SNX4: variants seen among roughly 807,000 people sequenced by gnomAD.
SNX4 encodes the protein sorting nexin-4.
In SNX4, 49 loss-of-function variants were observed where a neutral mutation model predicts 70.8. The observed-to-expected ratio is 0.69, with a 90% CI of 0.55 to 0.88. SNX4 has a LOEUF of 0.88. Ranked by LOEUF, SNX4 falls within the 40% of genes least tolerant of loss-of-function variation. The pLI, the probability that SNX4 is intolerant of heterozygous loss-of-function variation, is 0.00. For synonymous variants in SNX4, 206 were observed against 183.8 expected (o/e 1.12, Z -0.98); for missense variants, 528 against 544.8 (o/e 0.97, Z 0.31).
At chr3:125,462,802 A>C (rs1181855939) in intron 9 of SNX4, among the ~76,000 whole-genome samples, 1 of 152,076 alleles carries the variant, frequency 6.6e-6, no homozygotes, top group East Asian at 1.9e-4. Flanking sequence ...TGAGCCCCAA[A>C]ATTGGAGGTT....
intron 5 of SNX4, among the ~76,000 whole-genome samples, chr3:125,491,592 AGAG>A: frequency 6.6e-6 from 1 of 152,348 alleles, no homozygotes; most frequent in East Asian, 1.9e-4. Flanking sequence ...TACATAAAAA[AGAG>A]GAAGCTGACT....
Position 125,460,803 on chromosome 3 carries a change from T to G in SNX4, c.912A>C (p.Leu304Phe). The stretch of plus-strand genomic sequence containing the variant: ...CTTCTGCATAAAAAAGATACTCTTT[T>G]AACTGATCTGCATAATGTTCTTCAT... ...LEDEEHYADQ[L>F]KEYLFYAEAL... The change falls in exon 10 of 14, where the codon TTA becomes TTC. Residue 304 changes from leucine (L) to phenylalanine (F), a missense_variant. Physicochemically the swap from Leu to Phe is conservative, Grantham distance 22. Around this residue, in one of 3 missense-constraint regions of SNX4, gnomAD observed 159 missense variants for 172.6 expected, o/e 0.92. Transcript: ENST00000251775. The G allele has an allele frequency of 6.4e-7, 1 of 1,566,402 alleles. No individual in the cohort carries two copies. Among genetic ancestry groups the G allele is most frequent in the East Asian group, 2.3e-5 (1 of 43,766 alleles).
intron 7 of SNX4, among the ~76,000 whole-genome samples, chr3:125,477,405 C>G (rs1166485333): frequency 1.3e-5 from 2 of 152,108 alleles, no homozygotes; most frequent in Non-Finnish European, 2.9e-5. Flanking sequence ...TACTGCCTAG[C>G]CATTCACAGA....
intron 11 of SNX4, among the ~76,000 whole-genome samples, chr3:125,456,795 G>T (rs950137644): frequency 1.2e-4 from 19 of 152,068 alleles, no homozygotes; most frequent in African/African-American, 4.3e-4. Flanking sequence ...CGAGTAGCTG[G>T]GACTACAGGC....
At chr3:125,450,457 T>C (rs1247593961) in intron 13 of SNX4, among the ~76,000 whole-genome samples, 1 of 152,198 alleles carries the variant, frequency 6.6e-6, no homozygotes, top group Non-Finnish European at 1.5e-5. Flanking sequence ...TATATATATT[T>C]ATATGAGTGT....
At chr3:125,517,186 G>A (rs748455422) in intron 1 of SNX4, 3 of 151,974 alleles carry the variant, frequency 2.0e-5, no homozygotes, top group Non-Finnish European at 2.9e-5. Flanking sequence ...GAAGCAAAAT[G>A]GCTTAATGGA....
At chr3:125,515,704 G>C (rs1454405272) in intron 1 of SNX4, among the ~76,000 whole-genome samples, 2 of 150,230 alleles carry the variant, frequency 1.3e-5, no homozygotes, top group Non-Finnish European at 3.0e-5. Flanking sequence ...TTTGTACTGT[G>C]AATCACCTTC....
intron 5 of SNX4, among the ~76,000 whole-genome samples, chr3:125,496,576 C>A (rs1934799580): frequency 6.6e-6 from 1 of 151,962 alleles, no homozygotes; most frequent in South Asian, 2.1e-4. Flanking sequence ...TTCTGTTAGT[C>A]TACTTACCTA....
At chr3:125,506,817 T>TGAAAAAAAAAAAAAAAAAAA (rs199752160) in intron 1 of SNX4, among the ~76,000 whole-genome samples, 2 of 26,820 alleles carry the variant, frequency 7.5e-5, no homozygotes, top group African/African-American at 1.9e-4. Context: ...GTGGAGAAAG[T>TGAAAAAAAAAAAAAAAAAAA]AAAAAAAAAA....
chr3:125,489,386 T>A (rs981945612), intron 6 of SNX4, 22 bp downstream of exon 6: 14 of 1,591,278 alleles, frequency 8.8e-6, no homozygotes, highest in Non-Finnish European at 1.2e-5. Flanking sequence ...ACATTGTAAC[T>A]GTTATTAAAA....
intron 6 of SNX4, 60 bp downstream of exon 6, chr3:125,489,348 A>T: frequency 7.9e-7 from 1 of 1,264,140 alleles, no homozygotes; most frequent in Non-Finnish European, 1.1e-6. Flanking sequence ...ATGAAAAATT[A>T]AATAGATTGA....
intron 8 of SNX4, among the ~76,000 whole-genome samples, chr3:125,473,925 T>C (rs1397117517): frequency 6.6e-6 from 1 of 152,218 alleles, no homozygotes; most frequent in East Asian, 1.9e-4. Flanking sequence ...ACACACTTTA[T>C]ATATACAACT....
chr3:125,479,165 T>A (rs1291017871), intron 7 of SNX4, among the ~76,000 whole-genome samples: 1 of 152,162 alleles, frequency 6.6e-6, no homozygotes, highest in Non-Finnish European at 1.5e-5. Flanking sequence ...GTAATTACTA[T>A]ATAGCCAAAC....
chr3:125,494,171 A>G (rs895360999), intron 5 of SNX4, among the ~76,000 whole-genome samples: 4 of 152,176 alleles, frequency 2.6e-5, no homozygotes, highest in Non-Finnish European at 5.9e-5. Context: ...AAATATTCTT[A>G]TAAGATATGA....
intron 5 of SNX4, among the ~76,000 whole-genome samples, chr3:125,493,744 T>C (rs572329762): frequency 3.9e-4 from 59 of 150,544 alleles, no homozygotes; most frequent in Non-Finnish European, 4.1e-4. Flanking sequence ...TACGAAAATA[T>C]TGCCAGCCAG....
intron 1 of SNX4, among the ~76,000 whole-genome samples, chr3:125,512,477 G>C (rs1185945037): frequency 6.6e-6 from 1 of 152,164 alleles, no homozygotes; most frequent in Admixed American, 6.6e-5. Flanking sequence ...TACCAGTAGG[G>C]TTGGTAGATG....
chr3:125,518,511 C>A (rs1266017807), intron 1 of SNX4, among the ~76,000 whole-genome samples: 1 of 151,972 alleles, frequency 6.6e-6, no homozygotes, highest in Non-Finnish European at 1.5e-5. Context: ...CCTTATATAC[C>A]CAGGTATGTT....
chr3:125,448,829 C>T lies in SNX4; in HGVS notation c.1306-1003G>A, dbSNP rs532837146. On this transcript the variant is annotated intron_variant, in intron 13 of 13. Transcript: ENST00000251775. The stretch of plus-strand genomic sequence containing the variant: ...TAGCTGGGACTACAGGCGCCTGCCA[C>T]CATGCCCAGCTAATTTTTTGTATTT... Among the ~76,000 whole-genome samples, 6 of 151,874 alleles carry T rather than the reference C, an allele frequency of 4.0e-5. No homozygotes were observed. In the South Asian group the frequency reaches 1.2e-3, roughly 32 times the overall value.
chr3:125,497,938 C>G lies in SNX4; in HGVS notation c.445G>C (p.Asp149His). The change falls in exon 4 of 14, where the codon GAT becomes CAT. Residue 149 changes from aspartate to histidine, a missense_variant. Physicochemically the swap from Asp to His is moderately conservative, Grantham distance 81 (BLOSUM62 -1). Transcript: ENST00000251775. ...CCAATCCGTCGCCTCTCCACAAAAT[C>G]TGGATCCATGTTGTCAGCAGAGAGT... is the stretch of plus-strand genomic sequence containing the variant. The part of the protein sequence containing the change: ...HKLSADNMDP[D>H]FVERRRIGLE... 2 of 1,614,192 alleles carry G rather than the reference C, an allele frequency of 1.2e-6. No individual in the cohort carries two copies. The highest frequency in any genetic ancestry group is 1.7e-6 in the Non-Finnish European group (2 of 1,180,026).
Sources: allele counts gnomAD v4.1 joint callset (sites outside exome capture counted in the v4.1 genomes callset), GRCh38; gene constraint gnomAD v4.1.1; regional missense constraint gnomAD v4.1.1; transcripts MANE v1.5; gene names NCBI Gene and HGNC (gene_info 2026-07-23, HGNC 2026-07-21).